The following RBFOX1 variants were observed in gnomAD, a reference collection of about 807,000 sequenced individuals.
RBFOX1 encodes RNA binding protein fox-1 homolog 1.
A neutral mutation model predicts 57.7 loss-of-function variants in RBFOX1; 8 were observed. That is an observed-to-expected ratio of 0.14 (90% confidence interval 0.08 to 0.25). The LOEUF is 0.25. Among genes scored for constraint, RBFOX1 ranks in the 10% least tolerant of loss-of-function variants. The pLI is 1.00. For missense variants in RBFOX1, 611 were observed against 548.5 expected, an observed-to-expected ratio of 1.11 and a Z score of -1.14; for synonymous variants, 326 against 222.4, an observed-to-expected ratio of 1.47 and a Z score of -4.15.
intron 3 of RBFOX1, among the ~76,000 whole-genome samples, chr16:5,836,741 A>G (rs938300618): frequency 6.6e-6 from 1 of 152,190 alleles, no homozygotes. Context: ...ACTAGATGCC[A>G]TTAGCATCCC....
intron 2 of RBFOX1, among the ~76,000 whole-genome samples, chr16:6,639,636 G>C (rs981068574): frequency 6.6e-6 from 1 of 152,168 alleles, no homozygotes; most frequent in African/African-American, 2.4e-5. Flanking sequence ...CAGCACTTTG[G>C]GAGGCCGAGG....
chr16:5,906,934 A>C (rs2152197930), intron 4 of RBFOX1, among the ~76,000 whole-genome samples: 1 of 151,810 alleles, frequency 6.6e-6, no homozygotes, highest in East Asian at 1.9e-4. Context: ...ACAGGGTTTC[A>C]ACATGTTGGT....
intron 3 of RBFOX1, among the ~76,000 whole-genome samples, chr16:6,713,999 T>G (rs909053001): frequency 6.6e-6 from 1 of 152,196 alleles, no homozygotes; most frequent in African/African-American, 2.4e-5. Context: ...CCCACGTAAA[T>G]CTCATCTTGA....
At chr16:7,268,676 G>A (rs2095240023) in intron 4 of RBFOX1, among the ~76,000 whole-genome samples, 1 of 152,102 alleles carries the variant, frequency 6.6e-6, no homozygotes, top group African/African-American at 2.4e-5. Context: ...TCCTGCCCAT[G>A]TTTTATTTGG....
At chr16:6,547,258 C>T (rs1352142178) in intron 2 of RBFOX1, among the ~76,000 whole-genome samples, 3 of 152,140 alleles carry the variant, frequency 2.0e-5, no homozygotes, top group African/African-American at 7.2e-5. Context: ...CTCTTTCTTC[C>T]TGGGAATCAT....
At chr16:7,710,350 A>T in intron 15 of RBFOX1, 11 of 1,279,172 alleles carry the variant, frequency 8.6e-6, no homozygotes, top group Non-Finnish European at 1.1e-5. Flanking sequence ...GACAGTGAAA[A>T]TCCTTCCATT....
chr16:7,385,919 C>CTTTTTTTT (rs57254482), intron 4 of RBFOX1, among the ~76,000 whole-genome samples: 9 of 135,148 alleles, frequency 6.7e-5, no homozygotes, highest in East Asian at 2.2e-4. Flanking sequence ...TGCCCAGTTA[C>CTTTTTTTT]TTATTTATTT....
chr16:5,853,439 G>T (rs1043247476), intron 3 of RBFOX1, among the ~76,000 whole-genome samples: 2 of 152,216 alleles, frequency 1.3e-5, no homozygotes, highest in Non-Finnish European at 2.9e-5. Context: ...GGCTTGAGGA[G>T]CCAGGTCTGG....
At chr16:5,692,954 G>C (rs1334701992) in intron 3 of RBFOX1, among the ~76,000 whole-genome samples, 1 of 152,204 alleles carries the variant, frequency 6.6e-6, no homozygotes, top group Non-Finnish European at 1.5e-5. Context: ...GAAGCATTTA[G>C]ACGGCTTTGC....
intron 1 of RBFOX1, among the ~76,000 whole-genome samples, chr16:5,343,608 A>G (rs941603535): frequency 6.6e-6 from 1 of 152,134 alleles, no homozygotes; most frequent in Non-Finnish European, 1.5e-5. Context: ...GGCATGAGCC[A>G]CTGCGCCCGG....
chr16:5,418,919 T>C (rs1322148446), intron 1 of RBFOX1, among the ~76,000 whole-genome samples: 1 of 151,952 alleles, frequency 6.6e-6, no homozygotes, highest in Non-Finnish European at 1.5e-5. Context: ...GCAGGAAGGG[T>C]GGTGCCCCAG....
In RBFOX1 at chr16:6,607,429, T is replaced by TCG. The variant is rs200768543; in HGVS notation, c.-63-47173_-63-47172insGC. Among the ~76,000 whole-genome samples the TCG allele has an allele frequency of 8.1e-4, 122 of 150,660 alleles. 4 individuals are homozygous for TCG. In the East Asian group the frequency reaches 0.021, roughly 26 times the overall value. ...TTTCAGTCTCTCTCCTCTCTCTCTC[T>TCG]CTCTCTCGCTCTCTATCTCTCTTCC... On this transcript the variant is annotated intron_variant, in intron 2 of 15. Transcript: ENST00000550418.
intron 2 of RBFOX1, among the ~76,000 whole-genome samples, chr16:6,381,793 G>C (rs1290465751): frequency 6.6e-6 from 1 of 152,204 alleles, no homozygotes; most frequent in African/African-American, 2.4e-5. Context: ...TGTCCCTCGG[G>C]ATTCCAGCAA....
intron 3 of RBFOX1, among the ~76,000 whole-genome samples, chr16:6,895,185 T>C (rs935302496): frequency 1.3e-5 from 2 of 151,994 alleles, no homozygotes; most frequent in African/African-American, 2.4e-5. Flanking sequence ...TCCTCTAGTT[T>C]TGTGATGTTC....
At chr16:6,405,236 C>G (rs2093233876) in intron 2 of RBFOX1, among the ~76,000 whole-genome samples, 2 of 152,160 alleles carry the variant, frequency 1.3e-5, no homozygotes, top group African/African-American at 4.8e-5. Flanking sequence ...GATTTTATCA[C>G]AGTTAGAGGG....
chr16:7,097,992 A>T (rs74008735), intron 4 of RBFOX1, among the ~76,000 whole-genome samples: 2,687 of 152,242 alleles, frequency 0.018, 83 homozygotes, highest in African/African-American at 0.062. Flanking sequence ...GAGTTTCAAG[A>T]ATCTTCGAGG....
At chr16:6,767,446 T>C (rs941317646) in intron 3 of RBFOX1, among the ~76,000 whole-genome samples, 2 of 152,224 alleles carry the variant, frequency 1.3e-5, no homozygotes, top group Non-Finnish European at 2.9e-5. Context: ...TCTATAATTA[T>C]CCTGAGGTTT....
At chr16:7,195,784 C>T (rs1238895359) in intron 4 of RBFOX1, among the ~76,000 whole-genome samples, 1 of 152,156 alleles carries the variant, frequency 6.6e-6, no homozygotes, top group African/African-American at 2.4e-5. Context: ...AACTCCTGAC[C>T]TCAGGTAATC....
intron 3 of RBFOX1, among the ~76,000 whole-genome samples, chr16:5,775,048 A>G (rs867400044): frequency 7.2e-5 from 11 of 152,136 alleles, no homozygotes; most frequent in South Asian, 2.1e-4. Context: ...CAAATCTCAC[A>G]TAAAAATGGA....
Sources: allele counts gnomAD v4.1 joint callset (sites outside exome capture counted in the v4.1 genomes callset), GRCh38; gene constraint gnomAD v4.1.1; transcripts MANE v1.5; gene names NCBI Gene and HGNC (gene_info 2026-07-23, HGNC 2026-07-21).